Variants in VPS13C observed in about 807,000 individuals in gnomAD.
VPS13C encodes the protein vacuolar protein sorting 13 homolog C.
Under a neutral mutation model 456.8 loss-of-function variants are expected in VPS13C, and 358 were observed. The ratio of observed to expected loss-of-function variants is 0.78; its 90% confidence interval spans 0.72 to 0.86. VPS13C has a LOEUF of 0.86. Ranked by LOEUF, VPS13C falls within the 40% of genes least tolerant of loss-of-function variation. The pLI, the probability that VPS13C is intolerant of heterozygous loss-of-function variation, is 0.00. For missense variants in VPS13C, 4,818 were observed against 4,385.4 expected (o/e 1.10, Z -2.79); for synonymous variants, 1,578 against 1,486.7 (o/e 1.06, Z -1.41).
At chr15:61,926,877 T>G (rs1234290833) in intron 52 of VPS13C, among the ~76,000 whole-genome samples, 1 of 152,086 alleles carries the variant, frequency 6.6e-6, no homozygotes, top group African/African-American at 2.4e-5. Context: ...ATAATGAAAA[T>G]AAAACCGTTC....
chr15:62,007,698 G>A (rs914885795), intron 14 of VPS13C, among the ~76,000 whole-genome samples: 4 of 152,186 alleles, frequency 2.6e-5, no homozygotes, highest in African/African-American at 9.7e-5. Flanking sequence ...AAATCCAAAA[G>A]GCACAAAACG....
At chr15:62,038,844 A>C (rs2048149362) in intron 3 of VPS13C, among the ~76,000 whole-genome samples, 1 of 152,190 alleles carries the variant, frequency 6.6e-6, no homozygotes, top group African/African-American at 2.4e-5. Context: ...CAAACACATG[A>C]AAAAATGTTC....
chr15:62,001,816 A>G (rs1014701829), intron 15 of VPS13C, among the ~76,000 whole-genome samples: 2 of 152,058 alleles, frequency 1.3e-5, no homozygotes, highest in Non-Finnish European at 1.5e-5. Flanking sequence ...ATGATTTCCA[A>G]TTTCATCCAT....
Position 61,978,611 on chromosome 15 carries a change from T to G in VPS13C, c.2290+15A>C. ...ATCATAATCCCAAGATCCTAAAAGC[T>G]GAATAACGGTTTACCTGCTCTTGCA... On this transcript the variant is annotated intron_variant, in intron 23 of 84. Transcript: ENST00000644861. 6.2e-7 allele frequency: 1 copy of G among 1,607,912 alleles called. No individual in the cohort carries two copies. Among genetic ancestry groups the G allele is most frequent in the Non-Finnish European group, 8.5e-7 (1 of 1,177,532 alleles).
At chr15:61,889,256 G>A (rs1311172632) in intron 67 of VPS13C, among the ~76,000 whole-genome samples, 1 of 151,988 alleles carries the variant, frequency 6.6e-6, no homozygotes, top group Non-Finnish European at 1.5e-5. Flanking sequence ...TGATTTCCAT[G>A]TTTAGTTTAA....
chr15:61,933,189 A>G (rs2044118774), intron 49 of VPS13C, among the ~76,000 whole-genome samples: 1 of 152,206 alleles, frequency 6.6e-6, no homozygotes, highest in Admixed American at 6.5e-5. Context: ...CAATGAAACA[A>G]AAGTAGACAT....
chr15:61,892,316 C>A (rs1158925852), intron 66 of VPS13C, among the ~76,000 whole-genome samples: 1 of 152,160 alleles, frequency 6.6e-6, no homozygotes, highest in African/African-American at 2.4e-5. Flanking sequence ...GAGGAGGAAC[C>A]CTGGGCAGCC....
intron 3 of VPS13C, among the ~76,000 whole-genome samples, chr15:62,039,199 G>C (rs372861324): frequency 1.8e-4 from 28 of 152,212 alleles, no homozygotes; most frequent in African/African-American, 6.3e-4. Context: ...TCCATCAACA[G>C]TTGACTGGAT....
intron 20 of VPS13C, among the ~76,000 whole-genome samples, chr15:61,982,968 A>G (rs1020190863): frequency 6.6e-6 from 1 of 152,214 alleles, no homozygotes; most frequent in Non-Finnish European, 1.5e-5. Context: ...TCTTACCTAC[A>G]TGCCAAATTT....
chr15:62,053,802 C>T (rs1399213713), intron 1 of VPS13C, among the ~76,000 whole-genome samples: 2 of 152,192 alleles, frequency 1.3e-5, no homozygotes, highest in Non-Finnish European at 2.9e-5. Flanking sequence ...TATCTGGCAG[C>T]TCAAGGGGAA....
rs747057573 is a variant in VPS13C at position 61,966,152 on chromosome 15, G to A, written c.2992-10C>T. 6 of 1,595,062 alleles carry A rather than the reference G, an allele frequency of 3.8e-6. No individual in the cohort carries two copies. Among genetic ancestry groups the A allele is most frequent in the Middle Eastern group, 1.7e-4 (1 of 5,864 alleles). ...GTCCATTCTTATCAGCCTGAAAAAA[G>A]AAGTAAAAGTTCTAAAGAAGGTACT... is the stretch of plus-strand genomic sequence containing the variant. On this transcript the variant is annotated splice_polypyrimidine_tract_variant and intron_variant, in intron 29 of 84. Coordinates refer to ENST00000644861, the MANE Select transcript of VPS13C (RefSeq NM_020821.3).
chr15:61,868,456 T>C (rs1894751971), intron 81 of VPS13C, among the ~76,000 whole-genome samples: 1 of 151,740 alleles, frequency 6.6e-6, no homozygotes, highest in Admixed American at 6.6e-5. Flanking sequence ...AAAAAAAGCT[T>C]TGCTCCCATG....
chr15:62,003,653 G>T lies in VPS13C; in HGVS notation c.1291-3027C>A, dbSNP rs1191849380. Among the ~76,000 whole-genome samples, 4 of 151,516 alleles carry T rather than the reference G, an allele frequency of 2.6e-5. No homozygotes were observed. The South Asian group carries it at 8.4e-4, about 32-fold the overall frequency. ...CCCATTCACTATGATATTGGCTGTGGGTTTTTCATAAATAGCTCTTATTAT... is the reference window on the plus strand; with the variant it reads ...CCCATTCACTATGATATTGGCTGTGTGTTTTTCATAAATAGCTCTTATTAT... On this transcript the variant is annotated intron_variant, in intron 15 of 84. Transcript: ENST00000644861.
intron 47 of VPS13C, among the ~76,000 whole-genome samples, chr15:61,940,015 A>ATTTATT (rs2044365382): frequency 6.6e-6 from 1 of 151,788 alleles, no homozygotes; most frequent in Non-Finnish European, 1.5e-5. Flanking sequence ...AAAAAGTTGT[A>ATTTATT]TACTTATCAA....
At chr15:62,006,861 A>G (rs918641458) in intron 15 of VPS13C, among the ~76,000 whole-genome samples, 9 of 152,168 alleles carry the variant, frequency 5.9e-5, no homozygotes, top group Non-Finnish European at 8.8e-5. Flanking sequence ...GCCAGTGATG[A>G]TGAGCATTTT....
At position 61,890,180 on chromosome 15, in the gene VPS13C, T is replaced by C. The variant is rs374770538; in HGVS notation, c.9326A>G (p.Tyr3109Cys). Residue 3109 changes from tyrosine to cysteine, a missense_variant, in exon 67 of 85, where the codon TAT becomes TGT. By Grantham distance (194) the Tyr-to-Cys change is radical. Transcript: ENST00000644861. ...VNNESKQEVS[Y>C]IGITSSGVVW... ...TCTTGCATACCTGGTTATCCCAATATAGGAAACTTCCTGCTTGCTTTCATT... is the reference window on the plus strand; with the variant it reads ...TCTTGCATACCTGGTTATCCCAATACAGGAAACTTCCTGCTTGCTTTCATT... 25 of 1,613,976 alleles carry C rather than the reference T, an allele frequency of 1.5e-5. No homozygotes were observed. In the East Asian group the frequency reaches 3.8e-4, roughly 24 times the overall value.
At chr15:62,035,219 C>T (rs2047951155) in intron 3 of VPS13C, among the ~76,000 whole-genome samples, 167 bp from the exon 4 acceptor site, 1 of 151,870 alleles carries the variant, frequency 6.6e-6, no homozygotes, top group Non-Finnish European at 1.5e-5. Flanking sequence ...GTCTTTTCCA[C>T]ATAAAATTAC....
chr15:62,060,309 C>G lies in VPS13C; in HGVS notation c.66G>C (p.Leu22=). 6.2e-7 allele frequency: 1 copy of G among 1,607,932 alleles called. No individual in the cohort carries two copies. Residue 22 remains leucine, a synonymous_variant, in exon 1 of 85, where the codon CTG becomes CTC. Coordinates refer to ENST00000644861, the MANE Select transcript of VPS13C (RefSeq NM_020821.3). ...NRFLGDYVEN[L]NKSQLKLGIW... ...TGCCCAGCTTCAGCTGGGACTTGTT[C>G]AGGTTCTCCACATAGTCCCCCAGGA...
intron 81 of VPS13C, chr15:61,864,668 G>A: frequency 3.0e-6 from 3 of 985,414 alleles, no homozygotes; most frequent in Non-Finnish European, 2.4e-6. Context: ...ATTGCAAAAA[G>A]CCATGAATAA....
Sources: allele counts gnomAD v4.1 joint callset (sites outside exome capture counted in the v4.1 genomes callset), GRCh38; gene constraint gnomAD v4.1.1; transcripts MANE v1.5; gene names NCBI Gene and HGNC (gene_info 2026-07-23, HGNC 2026-07-21).